Variants in ANO5 observed in about 807,000 individuals in gnomAD.
ANO5 encodes anoctamin-5.
In ANO5, 109 loss-of-function variants were observed where a neutral mutation model predicts 121.0. The observed-to-expected ratio is 0.90, with a 90% confidence interval of 0.77 to 1.06. The LOEUF (loss-of-function observed/expected upper bound fraction) is 1.06. Among genes scored for constraint, ANO5 ranks in the 50% least tolerant of loss-of-function variants. The probability of loss-of-function intolerance (pLI) is 0.00; values close to 1 mark genes in which losing one functional copy is unlikely to be tolerated. For synonymous variants in ANO5, 406 were observed against 359.9 expected, an observed-to-expected ratio of 1.13 and a Z score of -1.45; for missense variants, 1,064 against 1,078.5, an observed-to-expected ratio of 0.99 and a Z score of 0.19.
rs780042919 is a variant in ANO5, at chr11:22,239,671, T to G, written c.865T>G (p.Leu289Val). The change falls in exon 9 of 22, where the codon TTA (leucine) becomes GTA (valine). Residue 289 changes from leucine to valine, a missense_variant. By Grantham distance (32) the Leu-to-Val change is conservative. Transcript: ENST00000324559. The part of the protein sequence containing the change: ...RFSYFYKEQP[L>V]DLIKNYYGEK... ...TTCCTATTTCTACAAGGAGCAGCCT[T>G]TAGACTTGATTAAGTAAGTTTCATA... 6.2e-7 allele frequency: 1 copy of G among 1,600,480 alleles called. No homozygotes were observed. The highest frequency in any genetic ancestry group is 1.1e-5 in the South Asian group (1 of 90,838).
In ANO5 at chr11:22,193,451, T is replaced by G. The variant is rs753077061; in HGVS notation, c.-42T>G. ...ACGTCTGTCTCAGCTGCCCCTCTCC[T>G]GCTGCCTCTCAGGCACCAGTGCCAT... On this transcript the variant is annotated 5_prime_UTR_variant, in exon 1 of 22. Coordinates refer to ENST00000324559, the MANE Select transcript of ANO5 (RefSeq NM_213599.3). 1 of 1,599,178 alleles carries G rather than the reference T, an allele frequency of 6.3e-7. No homozygotes were observed. The highest frequency in any genetic ancestry group is 8.5e-7 in the Non-Finnish European group (1 of 1,173,544).
chr11:22,236,430 C>T (rs985460979), intron 8 of ANO5, among the ~76,000 whole-genome samples, 154 bp downstream of exon 8: 2 of 152,120 alleles, frequency 1.3e-5, no homozygotes, highest in East Asian at 1.9e-4. Context: ...GAGAGCTTTA[C>T]GAGCTATGCT....
At position 22,259,720 on chromosome 11, in the gene ANO5, T is replaced by C. The variant is rs773518330; in HGVS notation, c.1609T>C (p.Ser537Pro). 1.2e-6 allele frequency: 2 copies of C among 1,613,356 alleles called. No individual in the cohort carries two copies. The highest frequency in any genetic ancestry group is 1.7e-5 in the Admixed American group (1 of 59,976). Reference sequence around the variant, plus strand: ...CTTGAATTTCTTTTATGAAAAGATATCTGCCTGGATCACAAAAATGGGTAA... The same window carrying C: ...CTTGAATTTCTTTTATGAAAAGATACCTGCCTGGATCACAAAAATGGGTAA... ...LILNFFYEKI[S>P]AWITKMEIPR... The change falls in exon 15 of 22, where the codon TCT (serine) becomes CCT (proline). Residue 537 changes from serine to proline, a missense_variant. Ser to Pro is a moderately conservative substitution (Grantham distance 74). Transcript: ENST00000324559.
At chr11:22,197,008 A>G (rs899145572) in intron 1 of ANO5, among the ~76,000 whole-genome samples, 1 of 152,250 alleles carries the variant, frequency 6.6e-6, no homozygotes, top group African/African-American at 2.4e-5. Flanking sequence ...TTTAAAATAT[A>G]AGAAGACTTT....
rs1323349209 is a variant in ANO5 at position 22,218,276 on chromosome 11, C to T, written c.169C>T (p.Arg57Trp). Residue 57 changes from arginine (R) to tryptophan (W), a missense_variant, in exon 4 of 22, where the codon CGG becomes TGG. By Grantham distance (101) the Arg-to-Trp change is moderately radical. Coordinates refer to ENST00000324559, the MANE Select transcript of ANO5 (RefSeq NM_213599.3). ...AAAGCGATTCAATTTGTTCCTGAGGCGGCGGCTTATGGTAAAACCAGTGCT... is the reference window on the plus strand; with the variant it reads ...AAAGCGATTCAATTTGTTCCTGAGGTGGCGGCTTATGGTAAAACCAGTGCT... Reference protein sequence around the residue: ...PAKRFNLFLRRRLMFQKNQQS... With the variant: ...PAKRFNLFLRWRLMFQKNQQS... The T allele has an allele frequency of 1.1e-5, 18 of 1,613,198 alleles. No homozygotes were observed. Among genetic ancestry groups the T allele is most frequent in the Middle Eastern group, 1.6e-4 (1 of 6,076 alleles).
chr11:22,240,041 A>C (rs1296509840), intron 9 of ANO5, among the ~76,000 whole-genome samples: 1 of 152,090 alleles, frequency 6.6e-6, no homozygotes, highest in Non-Finnish European at 1.5e-5. Context: ...TATCTATACT[A>C]TCTGTAAAAC....
chr11:22,274,253 C>T (rs2133793452), intron 19 of ANO5, among the ~76,000 whole-genome samples: 1 of 151,872 alleles, frequency 6.6e-6, no homozygotes, highest in Admixed American at 6.6e-5. Context: ...GATAGTAGAA[C>T]TGTGCTGTGA....
chr11:22,270,277 C>A, intron 17 of ANO5, 35 bp from the exon 18 acceptor site: 1 of 1,612,984 alleles, frequency 6.2e-7, no homozygotes, highest in South Asian at 1.1e-5. Context: ...CTTTTTGGTC[C>A]TATTTCATAT....
At chr11:22,203,700 A>T (rs1451444439) in intron 1 of ANO5, 104 bp from the exon 2 acceptor site, 2 of 708,296 alleles carry the variant, frequency 2.8e-6, no homozygotes, top group East Asian at 5.7e-5. Context: ...TTTTCTTTGA[A>T]TTTTTTAATT....
chr11:22,279,880 T>A lies in ANO5; in HGVS notation c.*115T>A. The A allele has an allele frequency of 6.4e-6, 3 of 472,210 alleles. No homozygotes were observed. The highest frequency in any genetic ancestry group is 9.9e-6 in the Non-Finnish European group (3 of 302,208). 29.3% of individuals were successfully genotyped at this position (472,210 alleles called of 1,614,324 possible). On this transcript the variant is annotated 3_prime_UTR_variant, in exon 22 of 22. Transcript: ENST00000324559. ...TTACCCTTTCTTTTTTTTTTTTTTCTTTTTTTTTTTAAACTCAAAGTTTTT... is the reference window on the plus strand; with the variant it reads ...TTACCCTTTCTTTTTTTTTTTTTTCATTTTTTTTTTAAACTCAAAGTTTTT...
chr11:22,196,648 A>G (rs1386577917), intron 1 of ANO5, among the ~76,000 whole-genome samples: 1 of 151,990 alleles, frequency 6.6e-6, no homozygotes, highest in South Asian at 2.1e-4. Flanking sequence ...AGGCAGGTGG[A>G]TCATTAGGTC....
chr11:22,229,462 G>A (rs948969977), intron 7 of ANO5, among the ~76,000 whole-genome samples: 5 of 151,596 alleles, frequency 3.3e-5, no homozygotes, highest in Admixed American at 2.0e-4. Context: ...CAGGATTTAT[G>A]GGAATAAAGA....
At chr11:22,200,963 C>A (rs1358700652) in intron 1 of ANO5, among the ~76,000 whole-genome samples, 2 of 151,978 alleles carry the variant, frequency 1.3e-5, no homozygotes, top group Non-Finnish European at 2.9e-5. Context: ...TTTCAGGATA[C>A]CCCACTGGTA....
chr11:22,235,862 A>G (rs769239162), intron 7 of ANO5, among the ~76,000 whole-genome samples: 1 of 152,170 alleles, frequency 6.6e-6, no homozygotes, highest in Non-Finnish European at 1.5e-5. Context: ...AGCCCTAATT[A>G]TAGTAGAAAT....
In ANO5 at chr11:22,281,718, C is replaced by T. The variant is rs916470454; in HGVS notation, c.*1953C>T. 5.9e-5 allele frequency: 9 copies of T among 152,044 alleles called. No homozygotes were observed. Among genetic ancestry groups the T allele is most frequent in the African/African-American group, 1.7e-4 (7 of 41,520 alleles). The allele number at this position is 152,044 out of a possible 1,614,324, so 9.4% of individuals were successfully genotyped here. ...TTAATTTTTAAGGCTTAAAAGTATTCATAGAGGTAGACTGTATGATAAATA... is the reference window on the plus strand; with the variant it reads ...TTAATTTTTAAGGCTTAAAAGTATTTATAGAGGTAGACTGTATGATAAATA... On this transcript the variant is annotated 3_prime_UTR_variant, in exon 22 of 22. Coordinates refer to ENST00000324559, the MANE Select transcript of ANO5 (RefSeq NM_213599.3).
intron 3 of ANO5, among the ~76,000 whole-genome samples, chr11:22,214,863 A>G (rs1852390269): frequency 6.6e-6 from 1 of 151,954 alleles, no homozygotes; most frequent in Non-Finnish European, 1.5e-5. Flanking sequence ...TGCGGTTCCT[A>G]CTGTGATTAT....
At chr11:22,233,134 T>C (rs1853099366) in intron 7 of ANO5, among the ~76,000 whole-genome samples, 1 of 151,964 alleles carries the variant, frequency 6.6e-6, no homozygotes, top group South Asian at 2.1e-4. Context: ...CATATCTCTA[T>C]GTCAAGAAGT....
At chr11:22,248,866 C>A (rs1422965539) in intron 9 of ANO5, among the ~76,000 whole-genome samples, 1 of 151,794 alleles carries the variant, frequency 6.6e-6, no homozygotes, top group Non-Finnish European at 1.5e-5. Flanking sequence ...ATTGATTCTG[C>A]CATTTTTAAA....
rs562408479 is a variant in ANO5 at position 22,223,161 on chromosome 11, G to A, written c.294+1951G>A. On this transcript the variant is annotated intron_variant, in intron 5 of 21. Transcript: ENST00000324559. ...TTCTTCTTGCCTACTATTCAGGAGT[G>A]CCAAAGACAACCCTCAGGTTTAGGG... is the stretch of plus-strand genomic sequence containing the variant. Among the ~76,000 whole-genome samples, 3 of 152,092 alleles carry A rather than the reference G, an allele frequency of 2.0e-5. No individual in the cohort carries two copies. In the East Asian group the frequency reaches 5.8e-4, roughly 30 times the overall value.
Sources: gnomAD v4.1 joint callset for allele counts (sites outside exome capture counted in the v4.1 genomes callset) on GRCh38, gnomAD v4.1.1 for gene constraint, MANE v1.5 for transcripts, NCBI Gene and HGNC (gene_info 2026-07-23, HGNC 2026-07-21) for gene names.